The following COL5A2 variants were observed in gnomAD, a reference collection of about 807,000 sequenced individuals.
COL5A2 encodes collagen type V alpha 2 chain, also known as collagen alpha-2(V) chain.
In COL5A2, 23 loss-of-function variants were observed where a neutral mutation model predicts 208.2. That is an observed-to-expected ratio of 0.11 (90% CI 0.08 to 0.16). The LOEUF is 0.16. COL5A2 is among the 10% of genes least tolerant of loss of function. The pLI is 1.00. For missense variants in COL5A2, 1,590 were observed against 1,956.4 expected (o/e 0.81, Z 3.53); for synonymous variants, 625 against 628.5 (o/e 0.99, Z 0.08).
the COL5A2 span, among the ~76,000 whole-genome samples, chr2:189,300,047 T>C: frequency 6.6e-6 from 1 of 152,160 alleles, no homozygotes; most frequent in Non-Finnish European, 1.5e-5. Flanking sequence ...CATTCCATAG[T>C]ATGCATCAAT....
chr2:189,152,302 T>TTCTAACTTC (rs1688160329), intron 1 of COL5A2, among the ~76,000 whole-genome samples: 1 of 152,134 alleles, frequency 6.6e-6, no homozygotes, highest in Non-Finnish European at 1.5e-5. Context: ...CAATAATAGG[T>TTCTAACTTC]AAGGTCAGCA....
chr2:189,213,399 G>A (rs1689240305), intron 1 of COL5A2, among the ~76,000 whole-genome samples: 1 of 152,154 alleles, frequency 6.6e-6, no homozygotes, highest in Admixed American at 6.5e-5. Flanking sequence ...AACACTGAAA[G>A]TGTGCCAAAA....
the COL5A2 span, among the ~76,000 whole-genome samples, chr2:189,352,456 A>G: frequency 6.6e-6 from 1 of 151,912 alleles, no homozygotes. Flanking sequence ...CATCCTCTCC[A>G]GCATCTGTTG....
chr2:189,280,646 T>C, the COL5A2 span, among the ~76,000 whole-genome samples: 1 of 152,156 alleles, frequency 6.6e-6, no homozygotes, highest in Non-Finnish European at 1.5e-5. Flanking sequence ...ATCAATCAAT[T>C]CTGTATTTTC....
the COL5A2 span, among the ~76,000 whole-genome samples, chr2:189,423,470 A>C: frequency 6.6e-6 from 1 of 152,006 alleles, no homozygotes; most frequent in Non-Finnish European, 1.5e-5. Flanking sequence ...AAAAGATTAG[A>C]AAAAACATTT....
the COL5A2 span, among the ~76,000 whole-genome samples, chr2:189,252,187 T>C: frequency 3.2e-4 from 48 of 152,288 alleles, no homozygotes; most frequent in African/African-American, 1.1e-3. Context: ...GTTCAACCAT[T>C]GTGGAAGACA....
the COL5A2 span, among the ~76,000 whole-genome samples, chr2:189,309,829 T>C: frequency 6.6e-6 from 1 of 152,164 alleles, no homozygotes; most frequent in African/African-American, 2.4e-5. Context: ...ATTCAGTCAG[T>C]TCATAAGCAC....
chr2:189,088,583 G>T, intron 8 of COL5A2, 112 bp downstream of exon 8: 2 of 828,872 alleles, frequency 2.4e-6, no homozygotes, highest in East Asian at 2.5e-5. Flanking sequence ...ATGAATGTAC[G>T]ACTGTGTTTA....
the COL5A2 span, among the ~76,000 whole-genome samples, chr2:189,395,066 C>T: frequency 2.6e-5 from 4 of 152,132 alleles, no homozygotes; most frequent in Non-Finnish European, 4.4e-5. Flanking sequence ...AAGTATCTCA[C>T]TATAAGCACC....
chr2:189,390,466 G>T, the COL5A2 span, among the ~76,000 whole-genome samples: 1 of 152,168 alleles, frequency 6.6e-6, no homozygotes, highest in African/African-American at 2.4e-5. Flanking sequence ...GTCCCCAAAA[G>T]AATGGCACAG....
intron 31 of COL5A2, 86 bp downstream of exon 31, chr2:189,060,644 G>A (rs1686009057): frequency 1.8e-6 from 2 of 1,133,966 alleles, no homozygotes; most frequent in African/African-American, 3.1e-5. Context: ...GTATGTAAAG[G>A]AAAGCACAAC....
At chr2:189,127,681 AGTAT>A (rs1687633645) in intron 1 of COL5A2, among the ~76,000 whole-genome samples, 3 of 152,134 alleles carry the variant, frequency 2.0e-5, no homozygotes, top group Non-Finnish European at 4.4e-5. Context: ...TTGAAAAATA[AGTAT>A]GTGTTATTTA....
At chr2:189,355,260 G>T in the COL5A2 span, among the ~76,000 whole-genome samples, 1 of 152,062 alleles carries the variant, frequency 6.6e-6, no homozygotes, top group Non-Finnish European at 1.5e-5. Flanking sequence ...TATTCTGTTC[G>T]TTTGGGATGG....
chr2:189,145,834 TA>T (rs1295909762), intron 1 of COL5A2, among the ~76,000 whole-genome samples: 1 of 152,140 alleles, frequency 6.6e-6, no homozygotes, highest in Non-Finnish European at 1.5e-5. Context: ...AGATAGTCCT[TA>T]ATACTGTGAT....
At chr2:189,173,353 T>A (rs1371267638) in intron 1 of COL5A2, among the ~76,000 whole-genome samples, 1 of 152,162 alleles carries the variant, frequency 6.6e-6, no homozygotes, top group Non-Finnish European at 1.5e-5. Context: ...TGTTTCTTAG[T>A]GAATATTTTA....
At chr2:189,118,388 T>C (rs923440899) in intron 1 of COL5A2, among the ~76,000 whole-genome samples, 1 of 152,132 alleles carries the variant, frequency 6.6e-6, no homozygotes, top group Non-Finnish European at 1.5e-5. Context: ...TATTTTATTA[T>C]GTCTTTGCAG....
At chr2:189,413,783 ATTTTTTTTTTTTTT>A in the COL5A2 span, among the ~76,000 whole-genome samples, 1 of 79,176 alleles carries the variant, frequency 1.3e-5, no homozygotes, top group African/African-American at 5.1e-5. Context: ...CCTTGGCGTC[ATTTTTTTTTTTTTT>A]TTTTTTTTTT....
the COL5A2 span, among the ~76,000 whole-genome samples, chr2:189,248,689 C>A: frequency 7.2e-5 from 11 of 151,922 alleles, no homozygotes; most frequent in Non-Finnish European, 1.6e-4. Context: ...CCTTTTTTCC[C>A]TACCTTTGAA....
the COL5A2 span, among the ~76,000 whole-genome samples, chr2:189,416,978 G>A: frequency 6.6e-6 from 1 of 151,766 alleles, no homozygotes; most frequent in Non-Finnish European, 1.5e-5. Flanking sequence ...TCTTTCATAT[G>A]TTCACTTATT....
Sources: allele counts gnomAD v4.1 joint callset (sites outside exome capture counted in the v4.1 genomes callset), GRCh38; gene constraint gnomAD v4.1.1; transcripts MANE v1.5; gene names NCBI Gene and HGNC (gene_info 2026-07-23, HGNC 2026-07-21).